GFRA2: variants seen among roughly 807,000 people sequenced by gnomAD.
GFRA2 encodes the protein GDNF family receptor alpha 2.
GFRA2 carries 17 observed loss-of-function variants against 48.3 expected under a neutral mutation model. That is an observed-to-expected ratio of 0.35 (90% confidence interval 0.24 to 0.53). The LOEUF is 0.53. GFRA2 is among the 20% of genes least tolerant of loss of function. The probability of loss-of-function intolerance (pLI) is 0.93; values close to 1 mark genes in which losing one functional copy is unlikely to be tolerated. For synonymous variants in GFRA2, 305 were observed against 257.2 expected (o/e 1.19, Z -1.78); for missense variants, 660 against 637.3 (o/e 1.04, Z -0.38).
rs1359320642 is a variant in GFRA2, at chr8:21,721,624, A to G, written c.795-15583T>C. Among the ~76,000 whole-genome samples the G allele has an allele frequency of 3.9e-5, 6 of 152,332 alleles. No homozygotes were observed. The East Asian group carries it at 1.2e-3, about 29-fold the overall frequency. On this transcript the variant is annotated intron_variant, in intron 4 of 8. Coordinates refer to ENST00000524240, the MANE Select transcript of GFRA2 (RefSeq NM_001495.5). Reference sequence around the variant, plus strand: ...AAACCAAACCACCCTATGCAAAACTAGCTCTGAAAAATAGAATTGGCTGTA... The same window carrying G: ...AAACCAAACCACCCTATGCAAAACTGGCTCTGAAAAATAGAATTGGCTGTA...
intron 3 of GFRA2, among the ~76,000 whole-genome samples, chr8:21,756,042 G>A (rs571006194): frequency 2.0e-4 from 31 of 152,322 alleles, no homozygotes; most frequent in African/African-American, 7.2e-4. Flanking sequence ...AGCGGCCGGG[G>A]GCCAAGGTGA....
chr8:21,757,744 C>T (rs763556110), intron 3 of GFRA2, among the ~76,000 whole-genome samples: 19 of 152,128 alleles, frequency 1.2e-4, no homozygotes, highest in Admixed American at 3.3e-4. Context: ...TCTGGTGATC[C>T]GCCCGCTTTG....
chr8:21,721,001 A>G (rs73669526), intron 4 of GFRA2, among the ~76,000 whole-genome samples: 21,135 of 150,246 alleles, frequency 0.14, 3,982 homozygotes, highest in African/African-American at 0.44. Context: ...GTAAGAAAAA[A>G]AAAAATGGAG....
intron 4 of GFRA2, among the ~76,000 whole-genome samples, chr8:21,721,175 G>A (rs1389248790): frequency 6.6e-6 from 1 of 152,166 alleles, no homozygotes; most frequent in Non-Finnish European, 1.5e-5. Context: ...TCAGCTAGCA[G>A]CAAAGCAAAA....
intron 4 of GFRA2, among the ~76,000 whole-genome samples, chr8:21,712,284 C>T (rs565614576): frequency 5.9e-5 from 9 of 151,886 alleles, no homozygotes; most frequent in Admixed American, 2.0e-4. Context: ...CTCCTCACTT[C>T]GCAGACAGGG....
intron 2 of GFRA2, among the ~76,000 whole-genome samples, chr8:21,779,041 A>T (rs796518250): frequency 7.2e-4 from 107 of 148,172 alleles, no homozygotes; most frequent in Middle Eastern, 3.5e-3. Flanking sequence ...TCTCTACTTA[A>T]AAAAAAAAAA....
chr8:21,732,539 C>T (rs1347913230), intron 4 of GFRA2, among the ~76,000 whole-genome samples: 1 of 152,184 alleles, frequency 6.6e-6, no homozygotes, highest in Non-Finnish European at 1.5e-5. Flanking sequence ...CAGGGAAGAG[C>T]CCCCAGCAGA....
At chr8:21,784,684 G>T (rs1192885580) in intron 1 of GFRA2, among the ~76,000 whole-genome samples, 1 of 152,192 alleles carries the variant, frequency 6.6e-6, no homozygotes, top group Non-Finnish European at 1.5e-5. Flanking sequence ...GCTTCTTCGG[G>T]GCCCAGAGCA....
intron 4 of GFRA2, among the ~76,000 whole-genome samples, chr8:21,712,379 G>T (rs1359478418): frequency 6.7e-6 from 1 of 149,230 alleles, no homozygotes; most frequent in African/African-American, 2.5e-5. Context: ...GGGCGGCGGG[G>T]CAGAGGCGCT....
Position 21,758,455 on chromosome 8 carries a change from A to G in GFRA2, c.440-7513T>C, listed in dbSNP as rs537332497. ...CAATGGGGACCCAGGTGTTTTAACCACCCTTCCTGCCTCCCAGGAAACTGC... is the reference window on the plus strand; with the variant it reads ...CAATGGGGACCCAGGTGTTTTAACCGCCCTTCCTGCCTCCCAGGAAACTGC... On this transcript the variant is annotated intron_variant, in intron 3 of 8. Coordinates refer to ENST00000524240, the MANE Select transcript of GFRA2 (RefSeq NM_001495.5). Among the ~76,000 whole-genome samples the G allele has an allele frequency of 2.6e-5, 4 of 151,892 alleles. No individual in the cohort carries two copies. In the South Asian group the frequency reaches 8.3e-4, roughly 32 times the overall value.
At chr8:21,808,749 G>A (rs924602600) in intron 1 of GFRA2, among the ~76,000 whole-genome samples, 21 of 152,228 alleles carry the variant, frequency 1.4e-4, no homozygotes, top group African/African-American at 4.6e-4. Flanking sequence ...CTAGGGCCAC[G>A]TGGATGGCCC....
intron 1 of GFRA2, chr8:21,784,432 G>A (rs774578972): frequency 4.2e-5 from 18 of 432,410 alleles, no homozygotes; most frequent in South Asian, 6.4e-5. Flanking sequence ...CCTCAATACC[G>A]CAGAATTCCC....
intron 4 of GFRA2, among the ~76,000 whole-genome samples, chr8:21,731,386 G>T (rs1229006900): frequency 6.6e-6 from 1 of 152,168 alleles, no homozygotes; most frequent in Non-Finnish European, 1.5e-5. Flanking sequence ...GGAATCTTGG[G>T]AGGTCCATCA....
chr8:21,729,313 G>C (rs1232060870), intron 4 of GFRA2, among the ~76,000 whole-genome samples: 1 of 152,138 alleles, frequency 6.6e-6, no homozygotes, highest in African/African-American at 2.4e-5. Flanking sequence ...CTGGGCAACA[G>C]AGTGAGACCC....
At chr8:21,755,094 A>C (rs1436547074) in intron 3 of GFRA2, among the ~76,000 whole-genome samples, 1 of 152,106 alleles carries the variant, frequency 6.6e-6, no homozygotes, top group Non-Finnish European at 1.5e-5. Context: ...AGCATGGAGC[A>C]TTTTTAGGGC....
At chr8:21,793,929 T>C (rs970825988) in intron 2 of GFRA2, among the ~76,000 whole-genome samples, 4 of 148,944 alleles carry the variant, frequency 2.7e-5, no homozygotes, top group Admixed American at 6.8e-5. Context: ...AGTGGTGCAA[T>C]CATAGCTCAC....
chr8:21,769,113 A>G (rs978595036), intron 3 of GFRA2: 128 of 934,384 alleles, frequency 1.4e-4, no homozygotes, highest in Non-Finnish European at 1.6e-4. Context: ...CTAAATGAGT[A>G]TCTACCTGTT....
At chr8:21,807,187 A>T (rs1223481089) in intron 1 of GFRA2, among the ~76,000 whole-genome samples, 11 of 152,352 alleles carry the variant, frequency 7.2e-5, no homozygotes, top group Admixed American at 3.3e-4. Flanking sequence ...TTCAGCACTG[A>T]GATCATTGAC....
chr8:21,707,375 G>A (rs1056275792), intron 4 of GFRA2, among the ~76,000 whole-genome samples: 1 of 152,220 alleles, frequency 6.6e-6, no homozygotes, highest in African/African-American at 2.4e-5. Flanking sequence ...ACAGAAGGCT[G>A]AGAGGGACTG....
Sources: allele counts gnomAD v4.1 joint callset (sites outside exome capture counted in the v4.1 genomes callset), GRCh38; gene constraint gnomAD v4.1.1; transcripts MANE v1.5; gene names NCBI Gene and HGNC (gene_info 2026-07-23, HGNC 2026-07-21).